MMAA: variants seen among roughly 807,000 people sequenced by gnomAD.
MMAA encodes methylmalonic aciduria type A protein, mitochondrial.
Under a neutral mutation model 45.0 loss-of-function variants are expected in MMAA, and 41 were observed. That is an observed-to-expected ratio of 0.91 (90% CI 0.71 to 1.18). MMAA has a LOEUF of 1.18. MMAA is among the 50% of genes most tolerant of loss of function. The pLI is 0.00. For synonymous variants in MMAA, 154 were observed against 178.2 expected (o/e 0.86, Z 1.08); for missense variants, 460 against 495.7 (o/e 0.93, Z 0.68).
At chr4:145,626,545 A>T (rs1734209998) in intron 1 of MMAA, among the ~76,000 whole-genome samples, 1 of 152,218 alleles carries the variant, frequency 6.6e-6, no homozygotes, top group Non-Finnish European at 1.5e-5. Context: ...CCTAAGCAAA[A>T]AATAAATAAA....
Position 145,639,271 on chromosome 4 carries a change from T to A in MMAA, c.132T>A (p.Phe44Leu), listed in dbSNP as rs746489522. The change falls in exon 2 of 7, where the codon TTT becomes TTA. Residue 44 changes from phenylalanine (F) to leucine (L), a missense_variant. By Grantham distance (22) the Phe-to-Leu change is conservative. Coordinates refer to ENST00000649156, the MANE Select transcript of MMAA (RefSeq NM_172250.3). Reference protein sequence around the residue: ...LGSGIPCAQPFNSLGLHCTKW... With the variant: ...LGSGIPCAQPLNSLGLHCTKW... ...CAGGAATCCCATGTGCTCAGCCGTT[T>A]AATTCTCTTGGACTCCATTGTACAA... The A allele has an allele frequency of 1.2e-6, 2 of 1,614,232 alleles. No individual in the cohort carries two copies. The highest frequency in any genetic ancestry group is 1.7e-6 in the Non-Finnish European group (2 of 1,180,040).
intron 3 of MMAA, 66 bp downstream of exon 3, chr4:145,642,551 A>G (rs981350792): frequency 4.4e-6 from 7 of 1,607,826 alleles, no homozygotes; most frequent in Non-Finnish European, 6.0e-6. Flanking sequence ...TTTAGTAGGA[A>G]TTGGCACAGT....
intron 2 of MMAA, 95 bp from the exon 3 acceptor site, chr4:145,642,268 G>T: frequency 7.4e-7 from 1 of 1,344,478 alleles, no homozygotes; most frequent in Non-Finnish European, 1.1e-6. Context: ...TACATTAGGG[G>T]AAATAGAAGG....
intron 3 of MMAA, among the ~76,000 whole-genome samples, chr4:145,643,615 A>G (rs1240107732): frequency 6.6e-6 from 1 of 152,164 alleles, no homozygotes; most frequent in Non-Finnish European, 1.5e-5. Context: ...TTGAGTCACT[A>G]TAATAAAAAA....
At chr4:145,636,025 TAAATG>T (rs367619346) in intron 1 of MMAA, among the ~76,000 whole-genome samples, 10 of 152,320 alleles carry the variant, frequency 6.6e-5, no homozygotes, top group African/African-American at 2.4e-4. Context: ...CCCCTTCTGT[TAAATG>T]AAAATAATAA....
chr4:145,643,831 A>G (rs1727858840), intron 3 of MMAA, among the ~76,000 whole-genome samples: 1 of 152,178 alleles, frequency 6.6e-6, no homozygotes, highest in Admixed American at 6.5e-5. Context: ...AGAAAAAAAT[A>G]ATAGCTTGAG....
In MMAA at chr4:145,658,904, G is replaced by A. The variant is rs191952260; in HGVS notation, c.*3470G>A. On this transcript the variant is annotated 3_prime_UTR_variant, in exon 7 of 7. Coordinates refer to ENST00000649156, the MANE Select transcript of MMAA (RefSeq NM_172250.3). ...GCCTGAGAAATGCAAATGTGGCTTC[G>A]TTAATGCAAATGCTTCCTACGCCAG... 1.1e-4 allele frequency: 16 copies of A among 152,258 alleles called. No homozygotes were observed. Among genetic ancestry groups the A allele is most frequent in the Admixed American group, 5.9e-4 (9 of 15,300 alleles). 9.4% of individuals were successfully genotyped at this position (152,258 alleles called of 1,614,324 possible). A position where few individuals can be genotyped will look rare whatever the true frequency, so the allele number is the denominator to read the frequency against.
rs1277103538 is a variant in MMAA, at chr4:145,656,540, T to A, written c.*1106T>A. 1 of 152,216 alleles carries A rather than the reference T, an allele frequency of 6.6e-6. No individual in the cohort carries two copies. Among genetic ancestry groups the A allele is most frequent in the African/African-American group, 2.4e-5 (1 of 41,474 alleles). 9.4% of individuals were successfully genotyped at this position (152,216 alleles called of 1,614,324 possible). On this transcript the variant is annotated 3_prime_UTR_variant, in exon 7 of 7. Transcript: ENST00000649156. ...GTATCTTGAAACTACAAACCTGATG[T>A]ATAATTTCAGTTTTCTCTCATGGTC... is the stretch of plus-strand genomic sequence containing the variant.
intron 3 of MMAA, among the ~76,000 whole-genome samples, chr4:145,643,313 T>A (rs1727837498): frequency 6.6e-6 from 1 of 152,222 alleles, no homozygotes; most frequent in Admixed American, 6.5e-5. Flanking sequence ...TGTTATATAA[T>A]GGTGAACAAG....
intron 1 of MMAA, 53 bp downstream of exon 1, chr4:145,619,460 T>A (rs1179355093): frequency 6.6e-6 from 1 of 152,196 alleles, no homozygotes; most frequent in Admixed American, 6.5e-5. Flanking sequence ...GGCTCCCGCC[T>A]ACGGCCGCCC....
intron 3 of MMAA, among the ~76,000 whole-genome samples, chr4:145,643,351 C>T (rs560200407): frequency 1.1e-4 from 17 of 152,232 alleles, no homozygotes; most frequent in Non-Finnish European, 2.1e-4. Flanking sequence ...GTGAGGTTTA[C>T]ATCTTATGCA....
chr4:145,654,030 G>A lies in MMAA; in HGVS notation c.856G>A (p.Val286Ile), dbSNP rs1209145170. Residue 286 changes from valine to isoleucine, a missense_variant, in exon 6 of 7, where the codon GTA becomes ATA. Val to Ile is a conservative substitution (Grantham distance 29, BLOSUM62 3). Transcript: ENST00000649156. ...GGGTATAATCGAGATGGCAGATCTG[G>A]TAGCTGTAACTAAATCTGATGGAGA... ...KRGIIEMADL[V>I]AVTKSDGDLI... 6.2e-7 allele frequency: 1 copy of A among 1,614,022 alleles called. No individual in the cohort carries two copies. Among genetic ancestry groups the A allele is most frequent in the Non-Finnish European group, 8.5e-7 (1 of 1,180,026 alleles).
intron 1 of MMAA, among the ~76,000 whole-genome samples, chr4:145,629,323 G>C (rs983632193): frequency 5.3e-4 from 80 of 152,066 alleles, no homozygotes; most frequent in African/African-American, 1.8e-3. Context: ...GTAGAGACAG[G>C]GTTTCACCAT....
At chr4:145,634,261 GT>G (rs1436614809) in intron 1 of MMAA, among the ~76,000 whole-genome samples, 1 of 152,134 alleles carries the variant, frequency 6.6e-6, no homozygotes, top group Non-Finnish European at 1.5e-5. Context: ...GGCTAAGCTG[GT>G]GTTCAAACCA....
intron 1 of MMAA, among the ~76,000 whole-genome samples, chr4:145,623,403 G>C (rs185046532): frequency 1.3e-5 from 2 of 152,254 alleles, no homozygotes; most frequent in Admixed American, 1.3e-4. Context: ...ATTTTAAAAG[G>C]CTAGAACTAC....
chr4:145,624,787 T>C (rs1399104034), intron 1 of MMAA: 21 of 1,605,510 alleles, frequency 1.3e-5, no homozygotes, highest in Non-Finnish European at 1.2e-5. Flanking sequence ...TCTGCAAAGC[T>C]TATGCAGGGC....
chr4:145,634,332 A>C (rs1727547084), intron 1 of MMAA, among the ~76,000 whole-genome samples: 1 of 152,098 alleles, frequency 6.6e-6, no homozygotes. Flanking sequence ...GCCTCACCCC[A>C]TGACTGCCAC....
chr4:145,633,801 C>A (rs1727529305), intron 1 of MMAA, among the ~76,000 whole-genome samples: 1 of 152,202 alleles, frequency 6.6e-6, no homozygotes, highest in South Asian at 2.1e-4. Flanking sequence ...CATTTTGGGG[C>A]ACCCCAAGCC....
chr4:145,624,618 A>G (rs554892455), intron 1 of MMAA: 54 of 1,361,220 alleles, frequency 4.0e-5, no homozygotes, highest in Non-Finnish European at 5.2e-5. Context: ...TAGTTCTATT[A>G]CTTCTTTACT....
Sources: gnomAD v4.1 joint callset for allele counts (sites outside exome capture counted in the v4.1 genomes callset) on GRCh38, gnomAD v4.1.1 for gene constraint, MANE v1.5 for transcripts, NCBI Gene and HGNC (gene_info 2026-07-23, HGNC 2026-07-21) for gene names.